Variants in H1-8 observed in about 807,000 individuals in gnomAD.
The protein encoded by H1-8 is H1.8 linker histone, also known as histone H1.8.
A neutral mutation model predicts 19.5 loss-of-function variants in H1-8; 13 were observed. The ratio of observed to expected loss-of-function variants is 0.67; its 90% confidence interval spans 0.43 to 1.06. H1-8 has a LOEUF of 1.06. H1-8 is among the 50% of genes least tolerant of loss of function. The probability of loss-of-function intolerance (pLI) is 0.00; values close to 1 mark genes in which losing one functional copy is unlikely to be tolerated. For missense variants in H1-8, 432 were observed against 459.8 expected, an observed-to-expected ratio of 0.94 and a Z score of 0.55; for synonymous variants, 193 against 187.6, an observed-to-expected ratio of 1.03 and a Z score of -0.24.
In H1-8 at chr3:129,548,266, C is replaced by T. The variant is rs1303424022; in HGVS notation, c.378+586C>T. ...ATGTAGCAGCTGCCATGACAGTTGC[C>T]ATGGAATGCTGGGGAACATTCTCAG... On this transcript the variant is annotated intron_variant, in intron 2 of 4. Transcript: ENST00000324382. The T allele has an allele frequency of 4.4e-6, 4 of 919,228 alleles. No homozygotes were observed. The African/African-American group carries it at 7.2e-5, about 16-fold the overall frequency. The allele number at this position is 919,228 out of a possible 1,614,324, so 56.9% of individuals were successfully genotyped here. A position where few individuals can be genotyped will look rare whatever the true frequency, so the allele number is the denominator to read the frequency against.
chr3:129,544,992 T>G (rs992533464), intron 1 of H1-8, among the ~76,000 whole-genome samples: 1 of 151,738 alleles, frequency 6.6e-6, no homozygotes, highest in Non-Finnish European at 1.5e-5. Flanking sequence ...TAGGTCTCTT[T>G]ATAATTTTGC....
In H1-8 at chr3:129,549,215, G is replaced by A. The variant is rs753597646; in HGVS notation, c.593G>A (p.Arg198His). The A allele has an allele frequency of 8.3e-6, 13 of 1,573,836 alleles. No individual in the cohort carries two copies. Among genetic ancestry groups the A allele is most frequent in the Admixed American group, 5.8e-5 (3 of 51,950 alleles). ...PKPGAATEKA[R>H]KQGGAAKDTR... ...CCAGGCGCAGCCACAGAGAAGGCTC[G>A]CAAGCAAGGCGGCGCGGCCAAGGAC... Residue 198 changes from arginine to histidine, a missense_variant, in exon 3 of 5, where the codon CGC becomes CAC. Coordinates refer to ENST00000324382, the MANE Select transcript of H1-8 (RefSeq NM_153833.3).
rs1443678436 is a variant in H1-8 at position 129,549,343 on chromosome 3, A to G, written c.721A>G (p.Lys241Glu). The change falls in exon 3 of 5, where the codon AAA (lysine) becomes GAA (glutamate). Residue 241 changes from lysine to glutamate, a missense_variant. Transcript: ENST00000324382. ...TGGGCTCAGCAGGAAGGCAAAGGCCAAAGGCAGCAGGAGCAGCCAAGGTAG... is the reference window on the plus strand; with the variant it reads ...TGGGCTCAGCAGGAAGGCAAAGGCCGAAGGCAGCAGGAGCAGCCAAGGTAG... ...AGGLSRKAKAKGSRSSQGDAE... is the reference protein window; with the variant it reads ...AGGLSRKAKAEGSRSSQGDAE... The G allele has an allele frequency of 6.2e-7, 1 of 1,600,906 alleles. No individual in the cohort carries two copies. Among genetic ancestry groups the G allele is most frequent in the Admixed American group, 1.7e-5 (1 of 57,366 alleles).
intron 1 of H1-8, among the ~76,000 whole-genome samples, chr3:129,543,832 G>A (rs1049726476): frequency 2.6e-5 from 4 of 152,212 alleles, no homozygotes; most frequent in African/African-American, 9.6e-5. Flanking sequence ...TTGCTAATGT[G>A]ATGTGTGCTT....
In H1-8 at chr3:129,549,254, C is replaced by T. The variant is rs557929114; in HGVS notation, c.632C>T (p.Ser211Leu). ...GGAAKDTRAQ[S>L]GEARKVPPKP... The stretch of plus-strand genomic sequence containing the variant: ...GCGGCCAAGGACACCAGGGCACAGT[C>T]GGGAGAGGCTAGGAAGGTGCCCCCC... The change falls in exon 3 of 5, where the codon TCG (serine) becomes TTG (leucine). Residue 211 changes from serine (S) to leucine (L), a missense_variant. Physicochemically the swap from Ser to Leu is moderately radical, Grantham distance 145 (BLOSUM62 -2). Coordinates refer to ENST00000324382, the MANE Select transcript of H1-8 (RefSeq NM_153833.3). 96 of 1,591,524 alleles carry T rather than the reference C, an allele frequency of 6.0e-5. No individual in the cohort carries two copies. In the South Asian group the frequency reaches 7.4e-4, roughly 12 times the overall value.
chr3:129,548,703 G>T lies in H1-8; in HGVS notation c.379-298G>T, dbSNP rs373417956. Among the ~76,000 whole-genome samples the T allele has an allele frequency of 1.8e-3, 276 of 152,258 alleles. 1 individual carries two copies. The highest frequency in any genetic ancestry group is 0.017 in the East Asian group (89 of 5,150). On this transcript the variant is annotated intron_variant, in intron 2 of 4. Coordinates refer to ENST00000324382, the MANE Select transcript of H1-8 (RefSeq NM_153833.3). Reference sequence around the variant, plus strand: ...CTGCTGAGCGTCAAGGGGCGAGGTGGTGGGGGCATGGGGCATGAGGCAGGG... The same window carrying T: ...CTGCTGAGCGTCAAGGGGCGAGGTGTTGGGGGCATGGGGCATGAGGCAGGG...
chr3:129,547,762 G>T, intron 2 of H1-8, 82 bp downstream of exon 2: 1 of 1,293,474 alleles, frequency 7.7e-7, no homozygotes, highest in Non-Finnish European at 1.0e-6. Flanking sequence ...TCTACTGGAA[G>T]GCCTTTCCCC....
chr3:129,550,206 C>T (rs2084923442), intron 3 of H1-8, among the ~76,000 whole-genome samples: 1 of 152,056 alleles, frequency 6.6e-6, no homozygotes, highest in Non-Finnish European at 1.5e-5. Flanking sequence ...AATTAGAGAC[C>T]AATCTGGGCA....
chr3:129,543,295 C>T lies in H1-8; in HGVS notation c.77C>T (p.Ser26Phe). 6.2e-7 allele frequency: 1 copy of T among 1,612,974 alleles called. No individual in the cohort carries two copies. The highest frequency in any genetic ancestry group is 8.5e-7 in the Non-Finnish European group (1 of 1,179,366). The change falls in exon 1 of 5, where the codon TCT becomes TTT. Residue 26 changes from serine (S) to phenylalanine (F), a missense_variant. By Grantham distance (155) the Ser-to-Phe change is radical (BLOSUM62 -2). Transcript: ENST00000324382. ...GCAGGATCATCCAGGTCTCCTGAAT[C>T]TGAAAAGCCAGGTGAGCAAGAGGAG... ...STAGSSRSPE[S>F]EKPGPSHGGV...
rs1013459249 is a variant in H1-8 at position 129,548,864 on chromosome 3, G to A, written c.379-137G>A. ...CAGTGCCTCCAAGGACAGTGGCTTC[G>A]TGCCTTCTCCCTGCCTCTCACTGCC... On this transcript the variant is annotated intron_variant, in intron 2 of 4. Coordinates refer to ENST00000324382, the MANE Select transcript of H1-8 (RefSeq NM_153833.3). The A allele has an allele frequency of 1.8e-5, 21 of 1,195,534 alleles. No homozygotes were observed. In the South Asian group the frequency reaches 1.8e-4, roughly 10 times the overall value. The allele number at this position is 1,195,534 out of a possible 1,614,324, so 74.1% of individuals were successfully genotyped here.
At position 129,543,202 on chromosome 3, in the gene H1-8, C is replaced by T. The variant is rs779338457; in HGVS notation, c.-17C>T. 1.9e-6 allele frequency: 3 copies of T among 1,604,512 alleles called. No individual in the cohort carries two copies. The highest frequency in any genetic ancestry group is 2.2e-5 in the South Asian group (2 of 89,988). The stretch of plus-strand genomic sequence containing the variant: ...CACACCCGGGTGAGGGGTCTGCTGG[C>T]TGCACCTGTCGGTCTCATGGCTCCT... On this transcript the variant is annotated 5_prime_UTR_variant, in exon 1 of 5. Coordinates refer to ENST00000324382, the MANE Select transcript of H1-8 (RefSeq NM_153833.3).
At chr3:129,545,496 C>T (rs923505301) in intron 1 of H1-8, among the ~76,000 whole-genome samples, 2 of 152,126 alleles carry the variant, frequency 1.3e-5, no homozygotes, top group African/African-American at 4.8e-5. Context: ...TGTACAATGG[C>T]TTTTGGTATA....
chr3:129,550,844 C>T, intron 4 of H1-8, 35 bp downstream of exon 4: 1 of 1,574,582 alleles, frequency 6.4e-7, no homozygotes, highest in Non-Finnish European at 8.7e-7. Context: ...GCCTGGCTGC[C>T]TGCCCTGAAC....
At chr3:129,543,389 T>A in intron 1 of H1-8, 83 bp downstream of exon 1, 1 of 1,027,008 alleles carries the variant, frequency 9.7e-7, no homozygotes, top group South Asian at 1.4e-5. Flanking sequence ...CTGCTTCTCG[T>A]TCTTTCCCAG....
intron 2 of H1-8, 58 bp from the exon 3 acceptor site, chr3:129,548,939 GGGGT>G: frequency 6.5e-7 from 1 of 1,532,570 alleles, no homozygotes; most frequent in Non-Finnish European, 8.7e-7. Context: ...AGTCTTACGG[GGGGT>G]GGGGGGCGTG....
In H1-8 at chr3:129,543,207, C is replaced by T. The variant is rs1456541290; in HGVS notation, c.-12C>T. 1.9e-6 allele frequency: 3 copies of T among 1,609,144 alleles called. No homozygotes were observed. Among genetic ancestry groups the T allele is most frequent in the Admixed American group, 3.3e-5 (2 of 59,822 alleles). ...CCGGGTGAGGGGTCTGCTGGCTGCACCTGTCGGTCTCATGGCTCCTGGGAG... is the reference window on the plus strand; with the variant it reads ...CCGGGTGAGGGGTCTGCTGGCTGCATCTGTCGGTCTCATGGCTCCTGGGAG... On this transcript the variant is annotated 5_prime_UTR_variant, in exon 1 of 5. Coordinates refer to ENST00000324382, the MANE Select transcript of H1-8 (RefSeq NM_153833.3).
At position 129,550,823 on chromosome 3, in the gene H1-8, T is replaced by G. The variant is rs2084927366; in HGVS notation, c.807+14T>G. The G allele has an allele frequency of 6.2e-7, 1 of 1,608,326 alleles. No individual in the cohort carries two copies. Among genetic ancestry groups the G allele is most frequent in the African/African-American group, 1.3e-5 (1 of 74,722 alleles). On this transcript the variant is annotated intron_variant, in intron 4 of 4. Transcript: ENST00000324382. Reference sequence around the variant, plus strand: ...ACGGCCAGCAAGGTAGGTGCCTGCATGAATTTCCTGGCCTGGCTGCCTGCC... The same window carrying G: ...ACGGCCAGCAAGGTAGGTGCCTGCAGGAATTTCCTGGCCTGGCTGCCTGCC...
intron 4 of H1-8, 72 bp from the exon 5 acceptor site, chr3:129,551,035 C>A: frequency 7.2e-7 from 1 of 1,388,406 alleles, no homozygotes; most frequent in Non-Finnish European, 1.0e-6. Flanking sequence ...ATGTTGTGTA[C>A]CCAGAGCCAC....
At chr3:129,548,881 C>A in intron 2 of H1-8, 120 bp from the exon 3 acceptor site, 1 of 1,349,096 alleles carries the variant, frequency 7.4e-7, no homozygotes, top group Non-Finnish European at 1.0e-6. Context: ...CTCCCTGCCT[C>A]TCACTGCCTG....
Sources: allele counts gnomAD v4.1 joint callset (sites outside exome capture counted in the v4.1 genomes callset), GRCh38; gene constraint gnomAD v4.1.1; transcripts MANE v1.5; gene names NCBI Gene and HGNC (gene_info 2026-07-23, HGNC 2026-07-21).